The following FBXO34 variants were observed in gnomAD, a reference collection of about 807,000 sequenced individuals.
FBXO34 encodes the protein F-box only protein 34.
FBXO34 carries 12 observed loss-of-function variants against 24.5 expected under a neutral mutation model. The observed-to-expected ratio is 0.49, with a 90% CI of 0.31 to 0.79. The LOEUF is 0.79. FBXO34 is among the 30% of genes least tolerant of loss of function. The pLI is 0.04. For synonymous variants in FBXO34, 320 were observed against 311.9 expected (o/e 1.03, Z -0.27); for missense variants, 823 against 857.7 (o/e 0.96, Z 0.51).
chr14:55,313,139 C>T (rs1293969102), intron 1 of FBXO34, among the ~76,000 whole-genome samples: 10 of 152,150 alleles, frequency 6.6e-5, no homozygotes, highest in East Asian at 3.8e-4. Flanking sequence ...AGCTTTGCGG[C>T]GTAAACATTT....
At chr14:55,359,390 A>G (rs1052824222) in intron 3 of FBXO34, among the ~76,000 whole-genome samples, 8 of 152,384 alleles carry the variant, frequency 5.2e-5, no homozygotes, top group Middle Eastern at 3.4e-3. Context: ...GACCACTGCA[A>G]TAAAGCAAGT....
At chr14:55,427,904 G>A in the FBXO34 span, among the ~76,000 whole-genome samples, 1 of 140,586 alleles carries the variant, frequency 7.1e-6, no homozygotes, top group Non-Finnish European at 1.5e-5. Flanking sequence ...TTTTTGAGAC[G>A]GAGTCTGGCT....
chr14:55,297,363 A>G (rs1313899629), intron 1 of FBXO34, among the ~76,000 whole-genome samples: 1 of 152,184 alleles, frequency 6.6e-6, no homozygotes, highest in Non-Finnish European at 1.5e-5. Flanking sequence ...TGGTTTTGCC[A>G]TTTACTATTT....
the FBXO34 span, chr14:55,411,683 T>C: frequency 2.5e-6 from 4 of 1,613,294 alleles, no homozygotes; most frequent in African/African-American, 1.3e-5. Context: ...GCGGGTAGTG[T>C]TGCACAGCGG....
the FBXO34 span, chr14:55,428,818 C>T: frequency 7.4e-6 from 12 of 1,613,928 alleles, no homozygotes; most frequent in Admixed American, 3.3e-5. Flanking sequence ...TACTGAACTG[C>T]TGATGGGTTA....
chr14:55,283,175 G>C (rs952348938), intron 1 of FBXO34, among the ~76,000 whole-genome samples: 2 of 152,158 alleles, frequency 1.3e-5, no homozygotes, highest in African/African-American at 4.8e-5. Flanking sequence ...AATAAGTCCA[G>C]GGAGGGCCTT....
intron 1 of FBXO34, among the ~76,000 whole-genome samples, chr14:55,286,073 T>G (rs1307746315): frequency 6.6e-6 from 1 of 152,220 alleles, no homozygotes; most frequent in Non-Finnish European, 1.5e-5. Context: ...TGTATGAAAA[T>G]TTGATTAGTT....
the FBXO34 span, among the ~76,000 whole-genome samples, chr14:55,384,607 A>C: frequency 6.6e-6 from 1 of 152,264 alleles, no homozygotes; most frequent in Non-Finnish European, 1.5e-5. Context: ...TAGAGTCAAG[A>C]GAGCAGCTTC....
At chr14:55,438,193 C>T in the FBXO34 span, among the ~76,000 whole-genome samples, 2 of 152,186 alleles carry the variant, frequency 1.3e-5, no homozygotes, top group African/African-American at 4.8e-5. Context: ...CACCGTGTTG[C>T]ATCTTCTCAG....
downstream of FBXO34, among the ~76,000 whole-genome samples, chr14:55,356,102 C>T (rs972580605): frequency 3.9e-5 from 6 of 152,216 alleles, no homozygotes; most frequent in African/African-American, 1.4e-4. Context: ...CCTAGAGGTT[C>T]CCTTCCTGGG....
the FBXO34 span, among the ~76,000 whole-genome samples, chr14:55,437,554 T>G: frequency 1.3e-5 from 2 of 152,246 alleles, no homozygotes; most frequent in Non-Finnish European, 2.9e-5. Flanking sequence ...AAAAGCATTC[T>G]TCATAAACTA....
At chr14:55,303,399 T>C (rs934662645) in intron 1 of FBXO34, among the ~76,000 whole-genome samples, 1 of 152,194 alleles carries the variant, frequency 6.6e-6, no homozygotes, top group Admixed American at 6.5e-5. Flanking sequence ...ATGTAGCTTC[T>C]CTTAGGGCAG....
the FBXO34 span, among the ~76,000 whole-genome samples, chr14:55,378,726 T>C: frequency 3.3e-5 from 5 of 152,182 alleles, no homozygotes; most frequent in Admixed American, 2.0e-4. Context: ...TTAGGCAGGG[T>C]CTCACTCTGT....
At chr14:55,415,175 C>G in the FBXO34 span, among the ~76,000 whole-genome samples, 2 of 152,120 alleles carry the variant, frequency 1.3e-5, no homozygotes, top group African/African-American at 4.8e-5. Flanking sequence ...ACTTGTACTA[C>G]TTATATTTAT....
At chr14:55,416,400 C>T in the FBXO34 span, among the ~76,000 whole-genome samples, 2 of 151,126 alleles carry the variant, frequency 1.3e-5, no homozygotes, top group African/African-American at 2.4e-5. Flanking sequence ...GAGACCAGCC[C>T]GGGTAACATA....
At chr14:55,282,477 A>C in intron 1 of FBXO34, 1 of 235,476 alleles carries the variant, frequency 4.2e-6, no homozygotes, top group South Asian at 6.2e-5. Flanking sequence ...ATCTCACGGC[A>C]CAAACCCCTC....
chr14:55,347,156 C>G (rs935397063), intron 1 of FBXO34, among the ~76,000 whole-genome samples: 1 of 152,108 alleles, frequency 6.6e-6, no homozygotes, highest in Non-Finnish European at 1.5e-5. Flanking sequence ...GAGAGCAGGA[C>G]TTTATTATAG....
chr14:55,370,312 T>C (rs116405666), downstream of FBXO34, among the ~76,000 whole-genome samples: 2,127 of 152,250 alleles, frequency 0.014, 36 homozygotes, highest in African/African-American at 0.044. Flanking sequence ...AAAAAGCCAC[T>C]TGATGTATAC....
the FBXO34 span, among the ~76,000 whole-genome samples, chr14:55,385,070 G>A: frequency 7.2e-5 from 11 of 152,082 alleles, no homozygotes; most frequent in African/African-American, 2.2e-4. Context: ...TCTTAGCAGC[G>A]GTCACCAGGA....
Sources: gnomAD v4.1 joint callset for allele counts (sites outside exome capture counted in the v4.1 genomes callset) on GRCh38, gnomAD v4.1.1 for gene constraint, MANE v1.5 for transcripts, NCBI Gene and HGNC (gene_info 2026-07-23, HGNC 2026-07-21) for gene names.